APOL1: variants seen among roughly 807,000 people sequenced by gnomAD.
The protein encoded by APOL1 is apolipoprotein L1, also known as apolipoprotein L 1.
APOL1 carries 17 observed loss-of-function variants against 14.9 expected under a neutral mutation model. That is an observed-to-expected ratio of 1.14 (90% CI 0.78 to 1.71). The LOEUF (loss-of-function observed/expected upper bound fraction) is 1.71, where lower values mean the gene tolerates loss of function less well. APOL1 is among the 40% of genes most tolerant of loss of function. The probability of loss-of-function intolerance (pLI) is 0.00; values close to 1 mark genes in which losing one functional copy is unlikely to be tolerated. For missense variants in APOL1, 523 were observed against 485.9 expected (o/e 1.08, Z -0.72); for synonymous variants, 195 against 184.8 (o/e 1.05, Z -0.45).
chr22:36,257,272 A>G, intron 3 of APOL1, 47 bp from the exon 4 acceptor site: 1 of 1,607,398 alleles, frequency 6.2e-7, no homozygotes, highest in Non-Finnish European at 8.5e-7. Flanking sequence ...CCCTCTGTCC[A>G]CTGGTGGCTC....
In APOL1 at chr22:36,254,917, C is replaced by T. The variant is rs916795078; in HGVS notation, c.-19-20C>T. ...TCTCAGGAGGAGCACACTGTCTCAA[C>T]CCCTCTTTTCCTGCTCAAGGAGGAG... On this transcript the variant is annotated intron_variant, in intron 1 of 5. Coordinates refer to ENST00000397278, the MANE Select transcript of APOL1 (RefSeq NM_003661.4). The T allele has an allele frequency of 1.9e-6, 3 of 1,613,638 alleles. No individual in the cohort carries two copies. The Admixed American group carries it at 5.0e-5, about 27-fold the overall frequency.
At position 36,266,762 on chromosome 22, in the gene APOL1, G is replaced by A. The variant is rs927198565; in HGVS notation, c.*729G>A. ...CTACTAAAAATACAAAAAATTAGCCGGGCATGGTGGCGGGCGCCTGTAGTT... is the reference window on the plus strand; with the variant it reads ...CTACTAAAAATACAAAAAATTAGCCAGGCATGGTGGCGGGCGCCTGTAGTT... On this transcript the variant is annotated 3_prime_UTR_variant, in exon 6 of 6. Coordinates refer to ENST00000397278, the MANE Select transcript of APOL1 (RefSeq NM_003661.4). 59 of 331,276 alleles carry A rather than the reference G, an allele frequency of 1.8e-4. No homozygotes were observed. Among genetic ancestry groups the A allele is most frequent in the East Asian group, 3.5e-4 (8 of 23,042 alleles). 20.5% of individuals were successfully genotyped at this position (331,276 alleles called of 1,614,324 possible).
chr22:36,253,757 CCAGGGTCCCGTGT>C, intron 1 of APOL1: 1 of 603,102 alleles, frequency 1.7e-6, no homozygotes, highest in Non-Finnish European at 2.9e-6. Context: ...AATGACTTGC[CCAGGGTCCCGTGT>C]CAGGAGGCTG....
Position 36,265,273 on chromosome 22 carries a change from G to T in APOL1, c.437G>T (p.Arg146Leu). 6.2e-7 allele frequency: 1 copy of T among 1,614,070 alleles called. No individual in the cohort carries two copies. The highest frequency in any genetic ancestry group is 8.5e-7 in the Non-Finnish European group (1 of 1,180,000). ...YRNWFLKEFP[R>L]LKSELEDNIR... ...AACTGGTTTCTGAAAGAGTTTCCTCGGTTGAAAAGTGAGCTTGAGGATAAC... is the reference window on the plus strand; with the variant it reads ...AACTGGTTTCTGAAAGAGTTTCCTCTGTTGAAAAGTGAGCTTGAGGATAAC... The change falls in exon 6 of 6, where the codon CGG becomes CTG. Residue 146 changes from arginine to leucine, a missense_variant. Coordinates refer to ENST00000397278, the MANE Select transcript of APOL1 (RefSeq NM_003661.4).
intron 4 of APOL1, among the ~76,000 whole-genome samples, chr22:36,260,285 C>G (rs985954503): frequency 6.6e-6 from 1 of 152,160 alleles, no homozygotes; most frequent in Non-Finnish European, 1.5e-5. Flanking sequence ...GTCCCAGCTA[C>G]TCAGGAGGCT....
intron 4 of APOL1, chr22:36,257,677 C>G (rs1018711452): frequency 6.6e-6 from 2 of 302,442 alleles, no homozygotes; most frequent in Non-Finnish European, 1.2e-5. Context: ...GCAGGACATC[C>G]TTGGGGAAGT....
At chr22:36,257,165 G>T (rs1569533825) in intron 3 of APOL1, 29 bp downstream of exon 3, 2 of 1,613,896 alleles carry the variant, frequency 1.2e-6, no homozygotes, top group Non-Finnish European at 1.7e-6. Flanking sequence ...CAGATGATGG[G>T]GGCTCAGTGA....
At chr22:36,257,183 A>C in intron 3 of APOL1, 47 bp downstream of exon 3, 1 of 1,613,252 alleles carries the variant, frequency 6.2e-7, no homozygotes, top group Non-Finnish European at 8.5e-7. Context: ...TGATAGACAA[A>C]CAATCTGGTT....
chr22:36,257,705 G>C (rs187698914), intron 4 of APOL1: 10 of 302,920 alleles, frequency 3.3e-5, no homozygotes, highest in South Asian at 2.7e-4. Flanking sequence ...GCGGGGGGGG[G>C]GGGGAGTGTG....
At chr22:36,258,198 C>T (rs2015956943) in intron 4 of APOL1, among the ~76,000 whole-genome samples, 1 of 152,196 alleles carries the variant, frequency 6.6e-6, no homozygotes. Context: ...CCATCACAAG[C>T]ACCTGCTTAC....
intron 1 of APOL1, 113 bp downstream of exon 1, chr22:36,253,332 G>A (rs926235339): frequency 1.5e-5 from 4 of 262,808 alleles, no homozygotes; most frequent in Non-Finnish European, 3.0e-5. Flanking sequence ...GCAAAGCCTG[G>A]ATTTGCACCC....
intron 2 of APOL1, 150 bp from the exon 3 acceptor site, chr22:36,256,933 A>G (rs1201169051): frequency 6.7e-6 from 5 of 741,546 alleles, no homozygotes; most frequent in Non-Finnish European, 1.1e-5. Flanking sequence ...CACACTGGCT[A>G]TCACCAGCTA....
intron 2 of APOL1, 31 bp from the exon 3 acceptor site, chr22:36,257,052 C>T: frequency 6.2e-7 from 1 of 1,611,386 alleles, no homozygotes; most frequent in South Asian, 1.1e-5. Context: ...GCTGCCCGTC[C>T]TCTGATTATC....
chr22:36,253,789 G>A, intron 1 of APOL1: 1 of 698,768 alleles, frequency 1.4e-6, no homozygotes, highest in East Asian at 2.7e-5. Flanking sequence ...TGAGCAGGTA[G>A]ATCATAGGAC....
Position 36,265,803 on chromosome 22 carries a change from G to C in APOL1, c.967G>C (p.Glu323Gln), listed in dbSNP as rs200395416. ...ESGEQVERVN[E>Q]PSILEMSRGV... ...CGGTGAACAGGTGGAGAGGGTTAAT[G>C]AACCCAGCATCCTGGAAATGAGCAG... Residue 323 changes from glutamate to glutamine, a missense_variant, in exon 6 of 6, where the codon GAA (glutamate) becomes CAA (glutamine). By Grantham distance (29) the Glu-to-Gln change is conservative. Coordinates refer to ENST00000397278, the MANE Select transcript of APOL1 (RefSeq NM_003661.4). 7.1e-5 allele frequency: 114 copies of C among 1,613,996 alleles called. No homozygotes were observed. Among genetic ancestry groups the C allele is most frequent in the Admixed American group, 1.3e-4 (8 of 60,000 alleles).
intron 4 of APOL1, among the ~76,000 whole-genome samples, chr22:36,260,236 TAC>T (rs1238908079): frequency 1.3e-5 from 2 of 151,814 alleles, no homozygotes; most frequent in Non-Finnish European, 2.9e-5. Context: ...CTACTAAAAA[TAC>T]AAAAAAAATT....
At chr22:36,259,747 G>A in intron 4 of APOL1, 2 of 1,304,262 alleles carry the variant, frequency 1.5e-6, no homozygotes, top group Non-Finnish European at 2.0e-6. Flanking sequence ...CAACATGGAG[G>A]TGCCTCAAGG....
At position 36,254,965 on chromosome 22, in the gene APOL1, G is replaced by A. The variant is rs757047440; in HGVS notation, c.10G>A (p.Ala4Thr). The A allele has an allele frequency of 1.9e-6, 3 of 1,614,168 alleles. No homozygotes were observed. The highest frequency in any genetic ancestry group is 2.5e-6 in the Non-Finnish European group (3 of 1,179,980). ...GAGGCCCTGCAGCGACATGGAGGGA[G>A]CTGCTTTGCTGAGAGTCTCTGTCCT... MEG[A>T]ALLRVSVLCI... The change falls in exon 2 of 6, where the codon GCT (alanine) becomes ACT (threonine). Residue 4 changes from alanine (A) to threonine (T), a missense_variant. Ala to Thr is a moderately conservative substitution (Grantham distance 58). Coordinates refer to ENST00000397278, the MANE Select transcript of APOL1 (RefSeq NM_003661.4).
chr22:36,260,180 G>A (rs930395457), intron 4 of APOL1, among the ~76,000 whole-genome samples: 1 of 152,190 alleles, frequency 6.6e-6, no homozygotes, highest in African/African-American at 2.4e-5. Flanking sequence ...AGATCACAAG[G>A]TCAGGAGATC....
Sources: gnomAD v4.1 joint callset for allele counts (sites outside exome capture counted in the v4.1 genomes callset) on GRCh38, gnomAD v4.1.1 for gene constraint, MANE v1.5 for transcripts, NCBI Gene and HGNC (gene_info 2026-07-23, HGNC 2026-07-21) for gene names.